The following TNIK variants were observed in gnomAD, a reference collection of about 807,000 sequenced individuals.
TNIK encodes TRAF2 and NCK interacting kinase, also known as TRAF2 and NCK-interacting protein kinase.
In TNIK, 49 loss-of-function variants were observed where a neutral mutation model predicts 191.3. That is an observed-to-expected ratio of 0.26 (90% confidence interval 0.20 to 0.32). TNIK has a LOEUF of 0.32. Among genes scored for constraint, TNIK ranks in the 10% least tolerant of loss-of-function variants. The pLI, the probability that TNIK is intolerant of heterozygous loss-of-function variation, is 1.00. For missense variants in TNIK, 1,155 were observed against 1,702.3 expected (o/e 0.68, Z 5.66); for synonymous variants, 594 against 600.9 (o/e 0.99, Z 0.17).
intron 22 of TNIK, among the ~76,000 whole-genome samples, chr3:171,100,908 G>C (rs977353056): frequency 2.0e-5 from 3 of 151,982 alleles, no homozygotes; most frequent in African/African-American, 7.2e-5. Context: ...GCCATGAAGG[G>C]AATAAAGTAG....
chr3:171,337,304 G>C (rs1168410525), intron 2 of TNIK, among the ~76,000 whole-genome samples: 1 of 152,216 alleles, frequency 6.6e-6, no homozygotes, highest in East Asian at 1.9e-4. Flanking sequence ...TGAGAATGGA[G>C]TGATAGTCTG....
intron 2 of TNIK, among the ~76,000 whole-genome samples, chr3:171,319,834 T>C (rs1330345050): frequency 2.6e-5 from 4 of 152,158 alleles, no homozygotes; most frequent in African/African-American, 9.7e-5. Flanking sequence ...ATCATTCTAA[T>C]AGATATTCCA....
intron 1 of TNIK, among the ~76,000 whole-genome samples, chr3:171,455,447 C>G (rs1365331933): frequency 2.6e-5 from 4 of 151,410 alleles, no homozygotes; most frequent in Non-Finnish European, 4.4e-5. Context: ...CCCTACATTG[C>G]CCATGATGAT....
chr3:171,433,906 T>TATTAAGAATATC (rs1368556987), intron 1 of TNIK, among the ~76,000 whole-genome samples: 1 of 151,240 alleles, frequency 6.6e-6, no homozygotes. Flanking sequence ...CACTTATTAT[T>TATTAAGAATATC]ATTAAGAATA....
At chr3:171,127,217 T>C (rs1728598671) in intron 16 of TNIK, among the ~76,000 whole-genome samples, 1 of 152,214 alleles carries the variant, frequency 6.6e-6, no homozygotes, top group African/African-American at 2.4e-5. Flanking sequence ...CAAATCCTCT[T>C]TGGTTTTAAA....
At chr3:171,444,483 G>A (rs1727222553) in intron 1 of TNIK, among the ~76,000 whole-genome samples, 1 of 151,760 alleles carries the variant, frequency 6.6e-6, no homozygotes, top group South Asian at 2.1e-4. Flanking sequence ...AATCCCTACA[G>A]GCCTATAGGG....
intron 2 of TNIK, among the ~76,000 whole-genome samples, chr3:171,359,084 T>G (rs1196597400): frequency 6.6e-6 from 1 of 152,160 alleles, no homozygotes. Context: ...GCTGCTGAAT[T>G]GTATGCTCAC....
At chr3:171,441,517 T>C (rs1726795875) in intron 1 of TNIK, among the ~76,000 whole-genome samples, 1 of 152,252 alleles carries the variant, frequency 6.6e-6, no homozygotes, top group Admixed American at 6.5e-5. Context: ...TAGTATTCTA[T>C]TGTATGAAAA....
At chr3:171,449,621 A>G (rs568020177) in intron 1 of TNIK, among the ~76,000 whole-genome samples, 1 of 152,278 alleles carries the variant, frequency 6.6e-6, no homozygotes. Flanking sequence ...GCCATACACC[A>G]AAGTGCATAT....
intron 12 of TNIK, among the ~76,000 whole-genome samples, chr3:171,147,800 G>C (rs1052243081): frequency 2.0e-5 from 3 of 152,088 alleles, no homozygotes; most frequent in Non-Finnish European, 4.4e-5. Context: ...TCTTGCCCAA[G>C]TTCACTCGGT....
intron 2 of TNIK, among the ~76,000 whole-genome samples, chr3:171,261,203 T>C (rs972727245): frequency 1.3e-5 from 2 of 152,242 alleles, no homozygotes; most frequent in Admixed American, 6.5e-5. Context: ...TTTGTGGCTA[T>C]AGCATTTCTC....
At chr3:171,313,294 C>A (rs1433843511) in intron 2 of TNIK, among the ~76,000 whole-genome samples, 4 of 151,720 alleles carry the variant, frequency 2.6e-5, no homozygotes, top group Non-Finnish European at 5.9e-5. Context: ...CTGGGTTACA[C>A]ATACCTAGAA....
At chr3:171,385,153 A>G (rs1405862449) in intron 1 of TNIK, among the ~76,000 whole-genome samples, 1 of 152,176 alleles carries the variant, frequency 6.6e-6, no homozygotes, top group Non-Finnish European at 1.5e-5. Context: ...TTTAGTGGAA[A>G]GAATGAAGAG....
rs1311728813 is a variant in TNIK at position 171,159,031 on chromosome 3, G to A, written c.1017-1367C>T. Among the ~76,000 whole-genome samples the A allele has an allele frequency of 2.0e-5, 3 of 152,172 alleles. No homozygotes were observed. Among genetic ancestry groups the A allele is most frequent in the South Asian group, 2.1e-4 (1 of 4,824 alleles). ...AGGTCAGAGAGATAGGTGCGGGGCCGCGACAGCCATGCAGGCACGGGAAGG... is the reference window on the plus strand; with the variant it reads ...AGGTCAGAGAGATAGGTGCGGGGCCACGACAGCCATGCAGGCACGGGAAGG... On this transcript the variant is annotated intron_variant, in intron 11 of 32. Transcript: ENST00000436636. The surrounding 1 kb of genome is among the most constrained non-coding windows in gnomAD (Gnocchi z 4.1).
At chr3:171,429,814 G>A (rs574774562) in intron 1 of TNIK, among the ~76,000 whole-genome samples, 10 of 151,980 alleles carry the variant, frequency 6.6e-5, no homozygotes, top group African/African-American at 1.9e-4. Context: ...ATCCTACCTC[G>A]CCCCAGAAGC....
rs180771023 is a variant in TNIK at position 171,107,456 on chromosome 3, G to T, written c.2383-250C>A. Among the ~76,000 whole-genome samples, 624 of 147,698 alleles carry T rather than the reference G, an allele frequency of 4.2e-3. 1 individual carries two copies. The highest frequency in any genetic ancestry group is 7.1e-3 in the Middle Eastern group (2 of 280). On this transcript the variant is annotated intron_variant, in intron 20 of 32. Transcript: ENST00000436636. Reference sequence around the variant, plus strand: ...CATTTTACAGAAAAGATTCTCAAGAGATTTAAATAGAAAAAATGGATAGTA... The same window carrying T: ...CATTTTACAGAAAAGATTCTCAAGATATTTAAATAGAAAAAATGGATAGTA...
At position 171,278,420 on chromosome 3, in the gene TNIK, T is replaced by C. The variant is rs571754862; in HGVS notation, c.124-50199A>G. On this transcript the variant is annotated intron_variant, in intron 2 of 32. Coordinates refer to ENST00000436636, the MANE Select transcript of TNIK (RefSeq NM_015028.4). ...CAACATCAACATAAGTATTCAGCAT[T>C]CTAGGCCAAAGACTCAGCAGCTGGG... Among the ~76,000 whole-genome samples the C allele has an allele frequency of 3.9e-5, 6 of 152,268 alleles. No individual in the cohort carries two copies. The South Asian group carries it at 8.3e-4, about 21-fold the overall frequency.
chr3:171,243,887 G>A (rs1745270149), intron 2 of TNIK, among the ~76,000 whole-genome samples: 1 of 151,948 alleles, frequency 6.6e-6, no homozygotes, highest in African/African-American at 2.4e-5. Context: ...AATAATTAAA[G>A]AAAAATCGTG....
chr3:171,307,219 C>CA (rs1753552923), intron 2 of TNIK, among the ~76,000 whole-genome samples: 1 of 152,004 alleles, frequency 6.6e-6, no homozygotes, highest in Admixed American at 6.6e-5. Flanking sequence ...CTGGTGGTGG[C>CA]AAAAATTGCC....
Sources: gnomAD v4.1 joint callset for allele counts (sites outside exome capture counted in the v4.1 genomes callset) on GRCh38, gnomAD v4.1.1 for gene constraint, Gnocchi (gnomAD v3.1) non-coding constraint, MANE v1.5 for transcripts, NCBI Gene and HGNC (gene_info 2026-07-23, HGNC 2026-07-21) for gene names.